Variants in NT5C2 observed in about 807,000 individuals in gnomAD.
NT5C2 encodes cytosolic purine 5'-nucleotidase.
In NT5C2, 58 loss-of-function variants were observed where a neutral mutation model predicts 76.1. The ratio of observed to expected loss-of-function variants is 0.76; its 90% CI spans 0.62 to 0.95. NT5C2 has a LOEUF of 0.95. Ranked by LOEUF, NT5C2 falls within the 40% of genes least tolerant of loss-of-function variation. The pLI, the probability that NT5C2 is intolerant of heterozygous loss-of-function variation, is 0.00. For missense variants in NT5C2, 478 were observed against 690.3 expected, an observed-to-expected ratio of 0.69 and a Z score of 3.45; for synonymous variants, 229 against 237.4, an observed-to-expected ratio of 0.96 and a Z score of 0.32.
At chr10:103,185,208 G>A (rs1351492793) in intron 1 of NT5C2, among the ~76,000 whole-genome samples, 3 of 152,094 alleles carry the variant, frequency 2.0e-5, no homozygotes, top group African/African-American at 2.4e-5. Flanking sequence ...TTAAAAGACT[G>A]AGCTATTTCT....
chr10:103,132,069 T>C lies in NT5C2; in HGVS notation c.175+7337A>G, dbSNP rs147327881. Reference sequence around the variant, plus strand: ...CAGCCTGACCAACACGGTGAAACCCTATCTCTACTAAATACAAGAAATTAG... The same window carrying C: ...CAGCCTGACCAACACGGTGAAACCCCATCTCTACTAAATACAAGAAATTAG... On this transcript the variant is annotated intron_variant, in intron 4 of 18. Coordinates refer to ENST00000404739, the MANE Select transcript of NT5C2 (RefSeq NM_001351169.2). Among the ~76,000 whole-genome samples, 175 of 152,096 alleles carry C rather than the reference T, an allele frequency of 1.2e-3. 1 individual carries two copies. The highest frequency in any genetic ancestry group is 4.0e-3 in the African/African-American group (166 of 41,486).
chr10:103,096,092 C>A (rs2068085941), intron 11 of NT5C2, 112 bp from the exon 12 acceptor site: 2 of 710,322 alleles, frequency 2.8e-6, no homozygotes, highest in South Asian at 1.9e-5. Flanking sequence ...TAGGACTCAC[C>A]ACATTCTTGT....
chr10:103,097,893 T>C (rs550341591), intron 10 of NT5C2: 2 of 411,812 alleles, frequency 4.9e-6, no homozygotes, highest in East Asian at 7.3e-5. Flanking sequence ...TAACCCCTCA[T>C]GTGCCTGGAA....
intron 3 of NT5C2, among the ~76,000 whole-genome samples, chr10:103,145,364 A>C (rs182574955): frequency 2.0e-5 from 3 of 152,154 alleles, no homozygotes; most frequent in African/African-American, 7.2e-5. Context: ...GTTAGGTACT[A>C]TATCAACTAA....
intron 1 of NT5C2, among the ~76,000 whole-genome samples, chr10:103,188,532 T>C (rs1287408629): frequency 6.6e-6 from 1 of 151,974 alleles, no homozygotes; most frequent in African/African-American, 2.4e-5. Context: ...ATGCAAAACA[T>C]TTTGGGATTC....
chr10:103,161,570 G>A (rs996615752), intron 3 of NT5C2, among the ~76,000 whole-genome samples: 9 of 152,080 alleles, frequency 5.9e-5, no homozygotes, highest in African/African-American at 2.2e-4. Context: ...GCTAAGTGAT[G>A]CAGGGCACAG....
intron 3 of NT5C2, among the ~76,000 whole-genome samples, chr10:103,152,420 G>A (rs1322472122): frequency 6.6e-6 from 1 of 152,010 alleles, no homozygotes; most frequent in Non-Finnish European, 1.5e-5. Context: ...GCAGTAAAGT[G>A]GGCCAATTTT....
At chr10:103,136,817 G>C (rs1332950774) in intron 4 of NT5C2, among the ~76,000 whole-genome samples, 1 of 151,932 alleles carries the variant, frequency 6.6e-6, no homozygotes, top group Non-Finnish European at 1.5e-5. Context: ...GTAGAGATGG[G>C]GTTTCACCAT....
chr10:103,184,611 C>G (rs912920936), intron 1 of NT5C2, among the ~76,000 whole-genome samples: 4 of 152,172 alleles, frequency 2.6e-5, no homozygotes. Context: ...AACCATTAAA[C>G]GTCTACACAT....
chr10:103,173,539 C>G (rs958195534), intron 3 of NT5C2, among the ~76,000 whole-genome samples: 9 of 150,490 alleles, frequency 6.0e-5, no homozygotes, highest in Non-Finnish European at 1.3e-4. Flanking sequence ...ATGGCGTGGA[C>G]CCGGGAGACG....
chr10:103,190,041 AC>A (rs2092512158), intron 1 of NT5C2, among the ~76,000 whole-genome samples: 1 of 116,780 alleles, frequency 8.6e-6, no homozygotes, highest in Non-Finnish European at 1.7e-5. Context: ...CACTCTTGTC[AC>A]CCAGGCTGGA....
intron 1 of NT5C2, among the ~76,000 whole-genome samples, chr10:103,183,260 G>GATATATATATATATA (rs1177155271): frequency 2.6e-5 from 1 of 38,796 alleles, no homozygotes; most frequent in Non-Finnish European, 4.4e-5. Flanking sequence ...ATGTGTGTGT[G>GATATATATATATATA]TGATATATAT....
At position 103,138,341 on chromosome 10, in the gene NT5C2, C is replaced by T. The variant is rs181722067; in HGVS notation, c.175+1065G>A. Among the ~76,000 whole-genome samples, 19 of 152,198 alleles carry T rather than the reference C, an allele frequency of 1.2e-4. No homozygotes were observed. In the South Asian group the frequency reaches 3.7e-3, roughly 30 times the overall value. ...TGCAGGTTACATAGGTATACATGTACCATGGTGGTTTGCTGCACCTATAAA... is the reference window on the plus strand; with the variant it reads ...TGCAGGTTACATAGGTATACATGTATCATGGTGGTTTGCTGCACCTATAAA... On this transcript the variant is annotated intron_variant, in intron 4 of 18. Transcript: ENST00000404739.
intron 3 of NT5C2, among the ~76,000 whole-genome samples, chr10:103,158,071 C>T (rs1477422910): frequency 1.5e-5 from 2 of 132,816 alleles, no homozygotes; most frequent in African/African-American, 5.5e-5. Flanking sequence ...GACTCCATCT[C>T]AAAAAGAAAA....
At chr10:103,159,075 A>C (rs143298920) in intron 3 of NT5C2, among the ~76,000 whole-genome samples, 48 of 152,234 alleles carry the variant, frequency 3.2e-4, no homozygotes, top group African/African-American at 1.1e-3. Flanking sequence ...TAATCAAAAA[A>C]CTTCTAACAC....
At chr10:103,127,810 C>A (rs554526979) in intron 4 of NT5C2, among the ~76,000 whole-genome samples, 200 of 152,234 alleles carry the variant, frequency 1.3e-3, no homozygotes, top group Non-Finnish European at 2.5e-3. Flanking sequence ...CCCGCCTCGG[C>A]CTCCCAAGGT....
chr10:103,094,406 A>G lies in NT5C2; in HGVS notation c.863T>C (p.Val288Ala), dbSNP rs1306826286. Residue 288 changes from valine to alanine, a missense_variant, in exon 13 of 19, where the codon GTG becomes GCG. By Grantham distance (64) the Val-to-Ala change is moderately conservative. Transcript: ENST00000404739. ...PWQSYFDLIL[V>A]DARKPLFFGE... ...AAAAAAGAGTGGTTTCCGTGCATCC[A>G]CCAAGATCAAGTCAAAGTAGGACTG... is the stretch of plus-strand genomic sequence containing the variant. 6.2e-7 allele frequency: 1 copy of G among 1,613,972 alleles called. No individual in the cohort carries two copies. The highest frequency in any genetic ancestry group is 1.1e-5 in the South Asian group (1 of 91,062).
At chr10:103,142,302 T>G (rs2080588975) in intron 3 of NT5C2, among the ~76,000 whole-genome samples, 1 of 152,192 alleles carries the variant, frequency 6.6e-6, no homozygotes, top group Non-Finnish European at 1.5e-5. Context: ...AAGATCACTA[T>G]GAAGACATAG....
rs1360953184 is a variant in NT5C2 at position 103,146,062 on chromosome 10, GT to G, written c.102-6584del. 7 of 985,362 alleles carry G rather than the reference GT, an allele frequency of 7.1e-6. No homozygotes were observed. In the East Asian group the frequency reaches 6.8e-4, roughly 96 times the overall value. 61.0% of individuals were successfully genotyped at this position (985,362 alleles called of 1,614,324 possible). A position where few individuals can be genotyped will look rare whatever the true frequency, so the allele number is the denominator to read the frequency against. On this transcript the variant is annotated intron_variant, in intron 3 of 18. Transcript: ENST00000404739. ...GTCACTGGTTGCCGTTTTGAAAAGT[GT>G]AAAACTATCTGAGTCAACTAGTTCT...
Sources: allele counts gnomAD v4.1 joint callset (sites outside exome capture counted in the v4.1 genomes callset), GRCh38; gene constraint gnomAD v4.1.1; transcripts MANE v1.5; gene names NCBI Gene and HGNC (gene_info 2026-07-23, HGNC 2026-07-21).